The following SH3TC1 variants were observed in gnomAD, a reference collection of about 807,000 sequenced individuals.
SH3TC1 encodes the protein SH3 domain and tetratricopeptide repeat-containing protein 1.
A neutral mutation model predicts 117.3 loss-of-function variants in SH3TC1; 135 were observed. That is an observed-to-expected ratio of 1.15 (90% CI 1.00 to 1.33). The LOEUF is 1.33. Among genes scored for constraint, SH3TC1 ranks in the 40% most tolerant of loss-of-function variants. SH3TC1 has a pLI of 0.00. For missense variants in SH3TC1, 2,092 were observed against 1,794.3 expected, an observed-to-expected ratio of 1.17 and a Z score of -3.00; for synonymous variants, 898 against 816.9, an observed-to-expected ratio of 1.10 and a Z score of -1.69.
At chr4:8,224,704 T>C (rs2279194) in intron 10 of SH3TC1, 64,558 of 156,236 alleles carry the variant, frequency 0.41, 14,044 homozygotes, top group East Asian at 0.54. Context: ...ATGAAGAGGG[T>C]GGGGGTGCAC....
upstream of SH3TC1, among the ~76,000 whole-genome samples, chr4:8,196,138 C>A (rs1578640084): frequency 1.3e-5 from 2 of 152,356 alleles, no homozygotes; most frequent in Admixed American, 1.3e-4. The surrounding 1 kb of genome is among the most constrained non-coding windows in gnomAD (Gnocchi z 4.6). Context: ...GAGGTGTGCA[C>A]CTGTGCTTGG....
At position 8,192,243 on chromosome 4, in the gene SH3TC1, C is replaced by G. The variant is rs887396437; in HGVS notation, c.-57+10033C>G. Reference sequence around the variant, plus strand: ...TCCTGACCTCAAGTGATCTGCACCCCCCTCGGCCTCCCAAAGTGCTGGGAT... The same window carrying G: ...TCCTGACCTCAAGTGATCTGCACCCGCCTCGGCCTCCCAAAGTGCTGGGAT... On this transcript the variant is annotated intron_variant, in intron 1 of 16. Coordinates refer to the SH3TC1 transcript ENST00000508641. This position sits in a 1 kb window ranked among gnomAD's most constrained non-coding sequence, Gnocchi z 4.1. Among the ~76,000 whole-genome samples, 1 of 151,706 alleles carries G rather than the reference C, an allele frequency of 6.6e-6. No individual in the cohort carries two copies. The highest frequency in any genetic ancestry group is 1.5e-5 in the Non-Finnish European group (1 of 67,938).
intron 15 of SH3TC1, chr4:8,235,890 C>T (rs972073015): frequency 1.4e-5 from 5 of 363,494 alleles, no homozygotes; most frequent in Non-Finnish European, 2.5e-5. Flanking sequence ...CAGTGGGAGG[C>T]CCAGGGCCAG....
chr4:8,190,618 T>G lies in SH3TC1; in HGVS notation c.-57+8408T>G, dbSNP rs1159053566. Among the ~76,000 whole-genome samples the G allele has an allele frequency of 6.6e-6, 1 of 151,988 alleles. No homozygotes were observed. Among genetic ancestry groups the G allele is most frequent in the African/African-American group, 2.4e-5 (1 of 41,378 alleles). On this transcript the variant is annotated intron_variant, in intron 1 of 16. Coordinates refer to the SH3TC1 transcript ENST00000508641. The surrounding 1 kb of genome is among the most constrained non-coding windows in gnomAD (Gnocchi z 4.7). The stretch of plus-strand genomic sequence containing the variant: ...ACCAGCCGGCTGGTCCACAGGGTGT[T>G]TCTGAGGCTTGGCCTCTTCTGGCTC...
Position 8,209,865 on chromosome 4 carries a change from G to C in SH3TC1, c.247+43G>C, listed in dbSNP as rs368777125. On this transcript the variant is annotated intron_variant, in intron 3 of 17. Coordinates refer to ENST00000245105, the MANE Select transcript of SH3TC1 (RefSeq NM_018986.5). This position sits in a 1 kb window ranked among gnomAD's most constrained non-coding sequence, Gnocchi z 5.9. ...TACACAGGGCTTCAGGTTCAAATCC[G>C]GGCTGTGCCGCTCCCTGGGCATCCA... The C allele has an allele frequency of 4.4e-6, 7 of 1,589,612 alleles. No individual in the cohort carries two copies. The highest frequency in any genetic ancestry group is 3.5e-5 in the Admixed American group (2 of 57,770).
chr4:8,232,048 T>C lies in SH3TC1; in HGVS notation c.3023T>C (p.Ile1008Thr). 1 of 1,613,454 alleles carries C rather than the reference T, an allele frequency of 6.2e-7. No homozygotes were observed. Among genetic ancestry groups the C allele is most frequent in the Non-Finnish European group, 8.5e-7 (1 of 1,179,996 alleles). The change falls in exon 13 of 18, where the codon ATC becomes ACC. Residue 1008 changes from isoleucine to threonine, a missense_variant. Physicochemically the swap from Ile to Thr is moderately conservative, Grantham distance 89. Transcript: ENST00000245105. ...ATGCCCAGCGAGGCCCAGTGTGTCA[T>C]CTACCATGAGCTCCAGCTCTCCCTG... ...AVMPSEAQCV[I>T]YHELQLSLAC...
intron 13 of SH3TC1, chr4:8,232,501 C>G (rs1426331089): frequency 6.4e-6 from 9 of 1,404,062 alleles, no homozygotes; most frequent in Non-Finnish European, 8.5e-6. Flanking sequence ...TGCCCCGAGT[C>G]TTCACTCCTG....
chr4:8,187,986 G>A lies in SH3TC1; in HGVS notation c.-57+5776G>A, dbSNP rs369377926. Among the ~76,000 whole-genome samples the A allele has an allele frequency of 9.2e-5, 14 of 152,234 alleles. No homozygotes were observed. In the East Asian group the frequency reaches 1.5e-3, roughly 17 times the overall value. On this transcript the variant is annotated intron_variant, in intron 1 of 16. Coordinates refer to the SH3TC1 transcript ENST00000508641. ...CCCTTTGTCACAGTTCCATCATTTCGGGGATCTATTGATCCATTTAACTAT... is the reference window on the plus strand; with the variant it reads ...CCCTTTGTCACAGTTCCATCATTTCAGGGATCTATTGATCCATTTAACTAT...
In SH3TC1 at chr4:8,205,081, C is replaced by A; in HGVS notation, c.-28-86C>A. ...GCAGGCGCTCAGCAACGCTGGTGTT[C>A]TCTTTCTGGACCCCAGGCCTGGACA... On this transcript the variant is annotated intron_variant, in intron 1 of 17. Coordinates refer to ENST00000245105, the MANE Select transcript of SH3TC1 (RefSeq NM_018986.5). This position sits in a 1 kb window ranked among gnomAD's most constrained non-coding sequence, Gnocchi z 5.4. 8.7e-7 allele frequency: 1 copy of A among 1,147,562 alleles called. No homozygotes were observed. The highest frequency in any genetic ancestry group is 1.2e-6 in the Non-Finnish European group (1 of 839,694). The allele number at this position is 1,147,562 out of a possible 1,614,324, so 71.1% of individuals were successfully genotyped here.
At chr4:8,222,361 GTTTTTTTTTTTTTTTTTTT>G (rs5856006) in intron 9 of SH3TC1, among the ~76,000 whole-genome samples, 1 of 40,284 alleles carries the variant, frequency 2.5e-5, no homozygotes, top group Non-Finnish European at 4.3e-5. Context: ...TCAGGATCTG[GTTTTTTTTTTTTTTTTTTT>G]TTTTTTTTTT....
At position 8,192,431 on chromosome 4, in the gene SH3TC1, T is replaced by C. The variant is rs2152974817; in HGVS notation, c.-57+10221T>C. Among the ~76,000 whole-genome samples the C allele has an allele frequency of 6.6e-6, 1 of 151,378 alleles. No individual in the cohort carries two copies. The highest frequency in any genetic ancestry group is 2.1e-4 in the South Asian group (1 of 4,820). On this transcript the variant is annotated intron_variant, in intron 1 of 16. Coordinates refer to the SH3TC1 transcript ENST00000508641. This position sits in a 1 kb window ranked among gnomAD's most constrained non-coding sequence, Gnocchi z 4.1. Reference sequence around the variant, plus strand: ...CTGAAGGTTGTAAATTACAATCTTCTTATCCAACCACTTGTCTTTATTTTA... The same window carrying C: ...CTGAAGGTTGTAAATTACAATCTTCCTATCCAACCACTTGTCTTTATTTTA...
At chr4:8,232,891 A>G (rs1721375528) in intron 13 of SH3TC1, 1 of 1,215,726 alleles carries the variant, frequency 8.2e-7, no homozygotes, top group South Asian at 1.5e-5. Context: ...AGCAGCATCC[A>G]TGTCACCTAG....
intron 5 of SH3TC1, chr4:8,215,087 G>A (rs565777924): frequency 2.2e-5 from 10 of 448,514 alleles, no homozygotes; most frequent in Non-Finnish European, 3.6e-5. Context: ...AGTCGTAGAC[G>A]GATGTGGGTC....
chr4:8,196,026 C>T (rs929933850), upstream of SH3TC1, among the ~76,000 whole-genome samples: 1 of 152,254 alleles, frequency 6.6e-6, no homozygotes, highest in South Asian at 2.1e-4. This position sits in a 1 kb window ranked among gnomAD's most constrained non-coding sequence, Gnocchi z 4.6. Flanking sequence ...TTCTTCCCCA[C>T]CTGCCTGTCG....
At position 8,240,975 on chromosome 4, in the gene SH3TC1, G is replaced by A. The variant is rs1473039126; in HGVS notation, c.*20G>A. ...CGCTGAGGACAGCATCCAAGGGAGTGGGTTTTGTGCAAGGGCTGGGGGTCT... is the reference window on the plus strand; with the variant it reads ...CGCTGAGGACAGCATCCAAGGGAGTAGGTTTTGTGCAAGGGCTGGGGGTCT... On this transcript the variant is annotated 3_prime_UTR_variant, in exon 18 of 18. Transcript: ENST00000245105. 1.9e-6 allele frequency: 3 copies of A among 1,603,460 alleles called. No individual in the cohort carries two copies. Among genetic ancestry groups the A allele is most frequent in the African/African-American group, 2.7e-5 (2 of 74,890 alleles).
intron 12 of SH3TC1, among the ~76,000 whole-genome samples, chr4:8,229,828 G>A (rs1468539191): frequency 6.6e-6 from 1 of 152,090 alleles, no homozygotes; most frequent in Admixed American, 6.5e-5. Flanking sequence ...ACAATAGCCT[G>A]TGGCACCTCC....
intron 12 of SH3TC1, among the ~76,000 whole-genome samples, chr4:8,229,562 T>C (rs1250422419): frequency 6.6e-6 from 1 of 151,180 alleles, no homozygotes; most frequent in Non-Finnish European, 1.5e-5. Context: ...GCAGGGCCTA[T>C]GCAGGGAGGT....
intron 12 of SH3TC1, among the ~76,000 whole-genome samples, chr4:8,229,939 C>T (rs539317107): frequency 3.7e-4 from 55 of 150,230 alleles, no homozygotes; most frequent in African/African-American, 1.3e-3. Flanking sequence ...GTTGAACAGT[C>T]GAGGAGACCG....
rs1294254813 is a variant in SH3TC1, at chr4:8,236,264, T to G, written c.3406-14T>G. On this transcript the variant is annotated splice_polypyrimidine_tract_variant and intron_variant, in intron 15 of 17. Transcript: ENST00000245105. ...GTGCTGCGGGAAGCCTGACCCCACC[T>G]GCCTGTGTGGCAGGACCGGGCCCTG... 6.5e-7 allele frequency: 1 copy of G among 1,540,866 alleles called. No individual in the cohort carries two copies. The highest frequency in any genetic ancestry group is 2.0e-5 in the Admixed American group (1 of 50,382).
Sources: gnomAD v4.1 joint callset for allele counts (sites outside exome capture counted in the v4.1 genomes callset) on GRCh38, gnomAD v4.1.1 for gene constraint, Gnocchi (gnomAD v3.1) non-coding constraint, MANE v1.5 for transcripts, NCBI Gene and HGNC (gene_info 2026-07-23, HGNC 2026-07-21) for gene names.